The following ARMH4 variants were observed in gnomAD, a reference collection of about 807,000 sequenced individuals.
The protein encoded by ARMH4 is armadillo like helical domain containing 4, also known as armadillo-like helical domain-containing protein 4.
In ARMH4, 49 loss-of-function variants were observed where a neutral mutation model predicts 61.9. The observed-to-expected ratio is 0.79, with a 90% confidence interval of 0.63 to 1.00. The LOEUF (loss-of-function observed/expected upper bound fraction) is 1.00, where lower values mean the gene tolerates loss of function less well. ARMH4 is among the 50% of genes least tolerant of loss of function. The pLI is 0.00. For missense variants in ARMH4, 934 were observed against 930.0 expected (o/e 1.00, Z -0.06); for synonymous variants, 368 against 341.5 (o/e 1.08, Z -0.85).
chr14:58,069,035 TA>T (rs1884796635), intron 5 of ARMH4, among the ~76,000 whole-genome samples: 1 of 145,398 alleles, frequency 6.9e-6, no homozygotes, highest in South Asian at 2.2e-4. Context: ...GAGACAGAGA[TA>T]AAAAGGACTC....
chr14:58,063,222 G>A (rs780851826), intron 5 of ARMH4, among the ~76,000 whole-genome samples: 13 of 152,098 alleles, frequency 8.5e-5, no homozygotes, highest in African/African-American at 1.2e-4. Flanking sequence ...TTCTCATGGC[G>A]TTCTCCCTGC....
chr14:58,010,630 C>A (rs1882373423), intron 6 of ARMH4, among the ~76,000 whole-genome samples: 2 of 151,930 alleles, frequency 1.3e-5, no homozygotes. Flanking sequence ...AAAATTATTT[C>A]TCTTGATAAA....
intron 4 of ARMH4, among the ~76,000 whole-genome samples, chr14:58,122,378 C>T (rs1242739469): frequency 1.3e-5 from 2 of 152,118 alleles, no homozygotes; most frequent in African/African-American, 4.8e-5. Context: ...GGAAGAAAAT[C>T]CTACTGCCTT....
At chr14:58,005,830 T>C (rs917439864) in intron 6 of ARMH4, among the ~76,000 whole-genome samples, 1 of 152,180 alleles carries the variant, frequency 6.6e-6, no homozygotes, top group Non-Finnish European at 1.5e-5. Flanking sequence ...GGGGAGAGTG[T>C]GCACACAAAA....
chr14:58,139,459 T>A, intron 1 of ARMH4, 45 bp from the exon 2 acceptor site: 1 of 1,057,282 alleles, frequency 9.5e-7, no homozygotes, highest in South Asian at 1.5e-5. Context: ...AAATACATGT[T>A]GTAAATAAGT....
At chr14:58,098,527 G>A (rs987405685) in intron 4 of ARMH4, among the ~76,000 whole-genome samples, 7 of 152,210 alleles carry the variant, frequency 4.6e-5, no homozygotes, top group Non-Finnish European at 8.8e-5. Context: ...TAGAAAGGGT[G>A]ATTAAAGAAA....
chr14:58,009,630 G>T (rs1289048492), intron 6 of ARMH4, among the ~76,000 whole-genome samples: 1 of 151,970 alleles, frequency 6.6e-6, no homozygotes, highest in East Asian at 1.9e-4. Context: ...GGCCAACATG[G>T]TAAAACCTCA....
At chr14:58,080,209 A>C (rs1456450495) in intron 5 of ARMH4, among the ~76,000 whole-genome samples, 1 of 151,736 alleles carries the variant, frequency 6.6e-6, no homozygotes, top group East Asian at 1.9e-4. Context: ...AGCTCACCGC[A>C]ACCTCCACTT....
intron 1 of ARMH4, among the ~76,000 whole-genome samples, chr14:58,147,268 C>T (rs1431399220): frequency 6.6e-6 from 1 of 151,602 alleles, no homozygotes; most frequent in Admixed American, 6.6e-5. Context: ...TCATTGATAA[C>T]CTTGTCTAGG....
chr14:58,109,002 G>A (rs930074694), intron 4 of ARMH4, among the ~76,000 whole-genome samples: 2 of 151,948 alleles, frequency 1.3e-5, no homozygotes, highest in Middle Eastern at 3.2e-3. Context: ...CTTTCTATTG[G>A]GCTGTCTGTC....
At chr14:58,075,897 A>G (rs1054153087) in intron 5 of ARMH4, among the ~76,000 whole-genome samples, 1 of 152,232 alleles carries the variant, frequency 6.6e-6, no homozygotes, top group African/African-American at 2.4e-5. Context: ...AAGTTTCACT[A>G]TCTATATCTT....
chr14:58,141,739 C>T (rs1217833767), intron 1 of ARMH4: 5 of 191,450 alleles, frequency 2.6e-5, no homozygotes, highest in Non-Finnish European at 5.3e-5. Context: ...TAAAGTGTCC[C>T]TTTCATTGAC....
At chr14:58,077,430 C>A (rs1334484992) in intron 5 of ARMH4, among the ~76,000 whole-genome samples, 1 of 152,046 alleles carries the variant, frequency 6.6e-6, no homozygotes, top group Non-Finnish European at 1.5e-5. Flanking sequence ...ATGGTGAGAC[C>A]CCATCTCTAC....
chr14:58,062,368 G>A (rs143883428), intron 5 of ARMH4, among the ~76,000 whole-genome samples: 5 of 152,236 alleles, frequency 3.3e-5, no homozygotes, highest in African/African-American at 1.2e-4. Flanking sequence ...GAGCAAAGCT[G>A]AGAATTGAGC....
At chr14:58,117,363 A>C (rs1025516933) in intron 4 of ARMH4, among the ~76,000 whole-genome samples, 1 of 152,238 alleles carries the variant, frequency 6.6e-6, no homozygotes, top group Non-Finnish European at 1.5e-5. Flanking sequence ...ATAAAAATCC[A>C]CATATACTCA....
intron 5 of ARMH4, among the ~76,000 whole-genome samples, chr14:58,058,470 A>G (rs1385843974): frequency 2.6e-5 from 4 of 152,266 alleles, no homozygotes; most frequent in South Asian, 4.1e-4. Flanking sequence ...AAACTCATGA[A>G]TAATAAGGGG....
chr14:58,122,507 A>G (rs370724911), intron 4 of ARMH4, among the ~76,000 whole-genome samples: 1 of 152,196 alleles, frequency 6.6e-6, no homozygotes, highest in African/African-American at 2.4e-5. Flanking sequence ...CATTAGAAAA[A>G]AACTTCAAAA....
intron 4 of ARMH4, among the ~76,000 whole-genome samples, chr14:58,127,137 T>C (rs1886921624): frequency 6.6e-6 from 1 of 152,178 alleles, no homozygotes; most frequent in African/African-American, 2.4e-5. Flanking sequence ...TCAATTATTA[T>C]GAGTTTGTTT....
chr14:58,137,947 T>C (rs775187852), intron 2 of ARMH4, 43 bp downstream of exon 2: 3 of 1,554,076 alleles, frequency 1.9e-6, no homozygotes, highest in Middle Eastern at 1.7e-4. Flanking sequence ...ATTGAAAGTT[T>C]CCAAATTAAA....
Sources: gnomAD v4.1 joint callset for allele counts (sites outside exome capture counted in the v4.1 genomes callset) on GRCh38, gnomAD v4.1.1 for gene constraint, MANE v1.5 for transcripts, NCBI Gene and HGNC (gene_info 2026-07-23, HGNC 2026-07-21) for gene names.